EIPR1: variants seen among roughly 807,000 people sequenced by gnomAD.
The protein encoded by EIPR1 is EARP complex and GARP complex interacting protein 1.
Under a neutral mutation model 48.1 loss-of-function variants are expected in EIPR1, and 25 were observed. That is an observed-to-expected ratio of 0.52 (90% confidence interval 0.38 to 0.73). The LOEUF is 0.73. EIPR1 is among the 30% of genes least tolerant of loss of function. EIPR1 has a pLI of 0.00. For missense variants in EIPR1, 415 were observed against 506.2 expected, an observed-to-expected ratio of 0.82 and a Z score of 1.73; for synonymous variants, 204 against 201.9, an observed-to-expected ratio of 1.01 and a Z score of -0.09.
At chr2:3,377,180 C>T (rs1267972253) in intron 1 of EIPR1, 3 of 157,048 alleles carry the variant, frequency 1.9e-5, no homozygotes, top group African/African-American at 7.2e-5. Context: ...GATAAATGTA[C>T]GATGGTTATG....
chr2:3,377,747 G>A lies in EIPR1; in HGVS notation c.-58C>T, dbSNP rs1572499984. 1.3e-6 allele frequency: 2 copies of A among 1,545,582 alleles called. No individual in the cohort carries two copies. The highest frequency in any genetic ancestry group is 1.7e-6 in the Non-Finnish European group (2 of 1,142,878). ...ACACGCTAAGGACCTCGCTACGGCC[G>A]GCGCGTCCCCACCTCGCGGGCGTGT... On this transcript the variant is annotated 5_prime_UTR_variant, in exon 1 of 9. Transcript: ENST00000382125.
At chr2:3,334,127 C>T (rs1669976897) in intron 3 of EIPR1, among the ~76,000 whole-genome samples, 1 of 152,198 alleles carries the variant, frequency 6.6e-6, no homozygotes, top group Non-Finnish European at 1.5e-5. Context: ...TCTATAAGCA[C>T]CCCTAACAAA....
At chr2:3,190,717 G>C (rs1004203677) in intron 8 of EIPR1, among the ~76,000 whole-genome samples, 1 of 152,140 alleles carries the variant, frequency 6.6e-6, no homozygotes, top group Admixed American at 6.5e-5. Context: ...ACGGTAAAGG[G>C]AGCCAGGCCC....
At chr2:3,327,372 T>C (rs1312610971) in intron 3 of EIPR1, among the ~76,000 whole-genome samples, 1 of 152,122 alleles carries the variant, frequency 6.6e-6, no homozygotes, top group Admixed American at 6.5e-5. Flanking sequence ...TTAGTAGAGA[T>C]GGGGTTTCAC....
At chr2:3,289,305 G>A (rs1041290762) in intron 3 of EIPR1, among the ~76,000 whole-genome samples, 1 of 152,116 alleles carries the variant, frequency 6.6e-6, no homozygotes, top group South Asian at 2.1e-4. Context: ...AAAGAACGCC[G>A]AGCTCAGGGT....
intron 4 of EIPR1, among the ~76,000 whole-genome samples, chr2:3,239,541 G>A (rs1444453579): frequency 6.6e-6 from 1 of 152,206 alleles, no homozygotes; most frequent in Non-Finnish European, 1.5e-5. Flanking sequence ...TGCTCTGCAT[G>A]GACATCCCGG....
chr2:3,292,903 G>A (rs1668412288), intron 3 of EIPR1, among the ~76,000 whole-genome samples: 2 of 151,644 alleles, frequency 1.3e-5, no homozygotes, highest in Admixed American at 6.6e-5. Context: ...TAGTGGCTAG[G>A]TCCAAAAAAG....
chr2:3,249,548 AG>A (rs1430674918), intron 4 of EIPR1, among the ~76,000 whole-genome samples: 1 of 152,246 alleles, frequency 6.6e-6, no homozygotes, highest in Non-Finnish European at 1.5e-5. Context: ...CTGGCCATGT[AG>A]AAAAGAAGCA....
At chr2:3,364,353 TG>T (rs1186282330) in intron 1 of EIPR1, among the ~76,000 whole-genome samples, 1 of 152,078 alleles carries the variant, frequency 6.6e-6, no homozygotes, top group Admixed American at 6.5e-5. Flanking sequence ...AAAATTGCCA[TG>T]GACAGTGGCT....
intron 3 of EIPR1, among the ~76,000 whole-genome samples, chr2:3,257,743 G>A (rs569327001): frequency 6.6e-6 from 1 of 152,028 alleles, no homozygotes; most frequent in African/African-American, 2.4e-5. Flanking sequence ...ATTTCCTTCC[G>A]TTCTTCTTCA....
intron 1 of EIPR1, among the ~76,000 whole-genome samples, chr2:3,360,031 T>A (rs1472762926): frequency 6.6e-6 from 1 of 152,154 alleles, no homozygotes; most frequent in Non-Finnish European, 1.5e-5. Context: ...GCAACACAAA[T>A]GGCACATTTG....
At chr2:3,194,443 A>C in intron 6 of EIPR1, 2 of 273,152 alleles carry the variant, frequency 7.3e-6, no homozygotes, top group Non-Finnish European at 1.4e-5. Context: ...GCCGTCAAAA[A>C]TGTGACTTGG....
chr2:3,286,297 C>T lies in EIPR1; in HGVS notation c.260-28842G>A, dbSNP rs918928255. On this transcript the variant is annotated intron_variant, in intron 3 of 8. Coordinates refer to ENST00000382125, the MANE Select transcript of EIPR1 (RefSeq NM_003310.5). The surrounding 1 kb of genome is among the most constrained non-coding windows in gnomAD (Gnocchi z 4.2). The stretch of plus-strand genomic sequence containing the variant: ...TCGACAACTGCCGTCACCGTGCCTG[C>T]CTGTGTATGACGTGTACACACACTG... Among the ~76,000 whole-genome samples the T allele has an allele frequency of 6.6e-6, 1 of 152,228 alleles. No homozygotes were observed. Among genetic ancestry groups the T allele is most frequent in the Non-Finnish European group, 1.5e-5 (1 of 68,040 alleles).
chr2:3,199,060 G>GCCCCCCCCCCCC (rs1214394853), intron 5 of EIPR1, among the ~76,000 whole-genome samples: 3 of 23,340 alleles, frequency 1.3e-4, no homozygotes, highest in African/African-American at 5.2e-4. Context: ...CATTTTAGAG[G>GCCCCCCCCCCCC]GCCCCCCCCC....
intron 5 of EIPR1, 59 bp downstream of exon 5, chr2:3,214,090 A>G: frequency 6.7e-7 from 1 of 1,497,704 alleles, no homozygotes; most frequent in East Asian, 2.3e-5. Context: ...ATGAGTGAGA[A>G]CATGCGGGGT....
At chr2:3,254,580 A>G (rs1333574814) in intron 4 of EIPR1, among the ~76,000 whole-genome samples, 1 of 152,232 alleles carries the variant, frequency 6.6e-6, no homozygotes, top group Non-Finnish European at 1.5e-5. Context: ...CAGGGAATCA[A>G]GCCGAGTAAA....
At chr2:3,269,578 TCG>T (rs1314740709) in intron 3 of EIPR1, among the ~76,000 whole-genome samples, 10,337 of 90,090 alleles carry the variant, frequency 0.11, 2,857 homozygotes, top group East Asian at 0.23. Flanking sequence ...CACTCAGTCA[TCG>T]CACTCAATCA....
At chr2:3,193,918 G>T in intron 7 of EIPR1, 81 bp downstream of exon 7, 5 of 1,512,380 alleles carry the variant, frequency 3.3e-6, no homozygotes, top group Non-Finnish European at 4.5e-6. Flanking sequence ...AAGCTGGTTT[G>T]TGTCTTTCCC....
At chr2:3,241,594 T>C (rs1393849522) in intron 4 of EIPR1, among the ~76,000 whole-genome samples, 1 of 152,218 alleles carries the variant, frequency 6.6e-6, no homozygotes, top group African/African-American at 2.4e-5. Context: ...ATCACCCACT[T>C]TTCTGCTTTA....
Sources: allele counts gnomAD v4.1 joint callset (sites outside exome capture counted in the v4.1 genomes callset), GRCh38; gene constraint gnomAD v4.1.1; non-coding constraint Gnocchi (gnomAD v3.1); transcripts MANE v1.5; gene names NCBI Gene and HGNC (gene_info 2026-07-23, HGNC 2026-07-21).